CNBD1: variants seen among roughly 807,000 people sequenced by gnomAD.
CNBD1 encodes cyclic nucleotide binding domain containing 1.
A neutral mutation model predicts 54.4 loss-of-function variants in CNBD1; 71 were observed. The observed-to-expected ratio is 1.30, with a 90% CI of 1.08 to 1.59. The LOEUF (loss-of-function observed/expected upper bound fraction) is 1.59, where lower values mean the gene tolerates loss of function less well. Ranked by LOEUF, CNBD1 falls within the 40% of genes most tolerant of loss-of-function variation. The probability of loss-of-function intolerance (pLI) is 0.00; values close to 1 mark genes in which losing one functional copy is unlikely to be tolerated. For missense variants in CNBD1, 659 were observed against 518.0 expected, an observed-to-expected ratio of 1.27 and a Z score of -2.64; for synonymous variants, 182 against 170.7, an observed-to-expected ratio of 1.07 and a Z score of -0.51.
chr8:87,314,541 G>C (rs751342680), intron 8 of CNBD1, among the ~76,000 whole-genome samples: 2 of 151,906 alleles, frequency 1.3e-5, no homozygotes, highest in African/African-American at 4.8e-5. Context: ...TGCCATGAAA[G>C]TGATGAGCTT....
intron 5 of CNBD1, among the ~76,000 whole-genome samples, chr8:87,219,633 T>C (rs1814284622): frequency 6.6e-6 from 1 of 151,972 alleles, no homozygotes; most frequent in African/African-American, 2.4e-5. Flanking sequence ...AATACAGACT[T>C]GGAGCTTAGC....
At chr8:87,314,269 C>T (rs1490291460) in intron 8 of CNBD1, among the ~76,000 whole-genome samples, 1 of 151,520 alleles carries the variant, frequency 6.6e-6, no homozygotes, top group East Asian at 1.9e-4. Flanking sequence ...ACACCCAAAA[C>T]AAAGTTCATT....
intron 3 of CNBD1, among the ~76,000 whole-genome samples, chr8:86,907,835 A>T (rs943501201): frequency 6.6e-6 from 1 of 152,222 alleles, no homozygotes; most frequent in African/African-American, 2.4e-5. Flanking sequence ...AACTCAGCTT[A>T]TGTAAATCCA....
At chr8:86,967,803 T>A (rs1476622004) in intron 4 of CNBD1, among the ~76,000 whole-genome samples, 1 of 140,298 alleles carries the variant, frequency 7.1e-6, no homozygotes. Context: ...CTTGTTCAGT[T>A]TTTTTTTTTT....
At position 87,326,622 on chromosome 8, in the gene CNBD1, C is replaced by A. The variant is rs1252228205; in HGVS notation, c.1043-25063C>A. ...GGCTCCTGAGGCTTCTGCATTCTTC[C>A]CGTAGTTCTCGAGCCTTGGTTTTCA... On this transcript the variant is annotated intron_variant, in intron 8 of 10. Transcript: ENST00000518476. Among the ~76,000 whole-genome samples the A allele has an allele frequency of 4.1e-3, 441 of 106,860 alleles. 1 individual carries two copies. Among genetic ancestry groups the A allele is most frequent in the Middle Eastern group, 0.024 (4 of 166 alleles). 70.1% of individuals were successfully genotyped at this position (106,860 alleles called of 152,430 possible). A position where few individuals can be genotyped will look rare whatever the true frequency, so the allele number is the denominator to read the frequency against.
intron 6 of CNBD1, among the ~76,000 whole-genome samples, chr8:87,257,135 T>G (rs1586368751): frequency 6.6e-6 from 1 of 152,066 alleles, no homozygotes; most frequent in Admixed American, 6.6e-5. Flanking sequence ...TTTGGGAGAC[T>G]GAGGTGGGTG....
chr8:87,023,950 C>T (rs1056753367), intron 4 of CNBD1, among the ~76,000 whole-genome samples: 1 of 151,994 alleles, frequency 6.6e-6, no homozygotes, highest in Non-Finnish European at 1.5e-5. Flanking sequence ...TGAAAGAGAC[C>T]TAGCCGGCCA....
intron 6 of CNBD1, among the ~76,000 whole-genome samples, chr8:87,263,182 T>C (rs566868781): frequency 6.6e-6 from 1 of 152,300 alleles, no homozygotes; most frequent in African/African-American, 2.4e-5. Flanking sequence ...AAAATAATGT[T>C]TATATTTACT....
chr8:86,951,812 A>T (rs1336674784), intron 4 of CNBD1, among the ~76,000 whole-genome samples: 1 of 151,978 alleles, frequency 6.6e-6, no homozygotes, highest in Non-Finnish European at 1.5e-5. Context: ...AAAGAAAAAA[A>T]AATCTTGGGA....
intron 8 of CNBD1, among the ~76,000 whole-genome samples, chr8:87,325,995 C>T (rs1222353741): frequency 1.9e-5 from 2 of 107,672 alleles, no homozygotes; most frequent in South Asian, 2.9e-4. Flanking sequence ...TTAGGGCAGG[C>T]CTGGTGGTGA....
intron 2 of CNBD1, among the ~76,000 whole-genome samples, chr8:87,417,862 A>T (rs2130990482): frequency 6.6e-6 from 1 of 151,466 alleles, no homozygotes; most frequent in East Asian, 1.9e-4. Context: ...TAAATGTTTA[A>T]CTTGGATATG....
intron 2 of CNBD1, among the ~76,000 whole-genome samples, chr8:87,427,355 A>G (rs747579858): frequency 1.3e-5 from 2 of 152,192 alleles, no homozygotes; most frequent in Admixed American, 6.5e-5. Flanking sequence ...TTTTCAAAAT[A>G]TTAAGTTACA....
chr8:87,363,312 G>A (rs1810560426), intron 10 of CNBD1, among the ~76,000 whole-genome samples: 1 of 152,054 alleles, frequency 6.6e-6, no homozygotes, highest in South Asian at 2.1e-4. Flanking sequence ...CATACTACAT[G>A]TGCATGTGCC....
At chr8:86,977,491 G>T (rs998383205) in intron 4 of CNBD1, among the ~76,000 whole-genome samples, 12 of 152,002 alleles carry the variant, frequency 7.9e-5, no homozygotes, top group Non-Finnish European at 1.2e-4. Context: ...AACTAGGTTA[G>T]CTAAGAAGCA....
intron 4 of CNBD1, among the ~76,000 whole-genome samples, chr8:87,199,271 C>A (rs1004185488): frequency 4.6e-5 from 7 of 152,180 alleles, no homozygotes; most frequent in Admixed American, 3.9e-4. Flanking sequence ...AACAGAGATT[C>A]TGGAATTGAA....
At chr8:87,062,399 C>T (rs995326088) in intron 4 of CNBD1, among the ~76,000 whole-genome samples, 1 of 151,998 alleles carries the variant, frequency 6.6e-6, no homozygotes, top group Non-Finnish European at 1.5e-5. Context: ...CATTTTTTAA[C>T]AGCTAATATT....
At chr8:86,944,851 T>C (rs547398565) in intron 4 of CNBD1, among the ~76,000 whole-genome samples, 27 of 152,308 alleles carry the variant, frequency 1.8e-4, no homozygotes, top group African/African-American at 5.8e-4. Context: ...GTGAAATTTG[T>C]CTAGGTGAAA....
At chr8:87,388,102 A>C (rs112837319) in intron 2 of CNBD1, among the ~76,000 whole-genome samples, 2,696 of 151,658 alleles carry the variant, frequency 0.018, 91 homozygotes, top group African/African-American at 0.059. Flanking sequence ...ACACATTCAA[A>C]ACTGTGTAGA....
chr8:87,379,125 T>C (rs1057504862), intron 10 of CNBD1, among the ~76,000 whole-genome samples: 1 of 151,738 alleles, frequency 6.6e-6, no homozygotes, highest in Admixed American at 6.6e-5. Context: ...CTTCCTCTTT[T>C]CCTAATTGAA....
Sources: gnomAD v4.1 joint callset for allele counts (sites outside exome capture counted in the v4.1 genomes callset) on GRCh38, gnomAD v4.1.1 for gene constraint, MANE v1.5 for transcripts, NCBI Gene and HGNC (gene_info 2026-07-23, HGNC 2026-07-21) for gene names.